LSAMP: variants seen among roughly 807,000 people sequenced by gnomAD.
LSAMP encodes limbic system associated membrane protein, also known as limbic system-associated membrane protein.
Under a neutral mutation model 38.6 loss-of-function variants are expected in LSAMP, and 7 were observed. The ratio of observed to expected loss-of-function variants is 0.18; its 90% CI spans 0.10 to 0.34. The LOEUF (loss-of-function observed/expected upper bound fraction) is 0.34, where lower values mean the gene tolerates loss of function less well. Ranked by LOEUF, LSAMP falls within the 10% of genes least tolerant of loss-of-function variation. The pLI, the probability that LSAMP is intolerant of heterozygous loss-of-function variation, is 1.00. For missense variants in LSAMP, 313 were observed against 420.0 expected (o/e 0.75, Z 2.23); for synonymous variants, 154 against 166.8 (o/e 0.92, Z 0.59).
chr3:116,216,389 A>C (rs1325347646), intron 1 of LSAMP, among the ~76,000 whole-genome samples: 1 of 152,182 alleles, frequency 6.6e-6, no homozygotes, highest in Non-Finnish European at 1.5e-5. Context: ...CAGAGAAGAA[A>C]AATGGCATTA....
At chr3:116,280,292 A>T (rs984300076) in intron 1 of LSAMP, among the ~76,000 whole-genome samples, 1 of 152,202 alleles carries the variant, frequency 6.6e-6, no homozygotes, top group African/African-American at 2.4e-5. Flanking sequence ...GAAGACATGG[A>T]GGTTCTGAGC....
At chr3:116,181,915 A>G (rs1033093610) in intron 1 of LSAMP, among the ~76,000 whole-genome samples, 1 of 151,998 alleles carries the variant, frequency 6.6e-6, no homozygotes, top group African/African-American at 2.4e-5. Flanking sequence ...GATAAAGATC[A>G]CCCAGGTAAC....
At chr3:116,087,597 A>T (rs1384143139) in intron 1 of LSAMP, among the ~76,000 whole-genome samples, 4 of 152,214 alleles carry the variant, frequency 2.6e-5, no homozygotes, top group Non-Finnish European at 5.9e-5. Context: ...ACTCTGGAGC[A>T]GGAGGGAATG....
intron 1 of LSAMP, among the ~76,000 whole-genome samples, chr3:116,086,978 G>A (rs897351879): frequency 4.6e-5 from 7 of 152,182 alleles, no homozygotes; most frequent in African/African-American, 1.4e-4. Flanking sequence ...ATAGTATTGT[G>A]TAATGATAGA....
chr3:115,961,029 T>C (rs1173976334), intron 3 of LSAMP, among the ~76,000 whole-genome samples: 1 of 152,172 alleles, frequency 6.6e-6, no homozygotes, highest in Non-Finnish European at 1.5e-5. Context: ...TAAACCTGTC[T>C]GCCATCAATC....
intron 3 of LSAMP, among the ~76,000 whole-genome samples, chr3:115,968,357 C>T (rs1938895676): frequency 6.6e-6 from 1 of 152,076 alleles, no homozygotes; most frequent in African/African-American, 2.4e-5. Context: ...CAATTACTAT[C>T]TGGGTATTGC....
intron 3 of LSAMP, among the ~76,000 whole-genome samples, chr3:115,857,048 G>A (rs1270514584): frequency 1.3e-5 from 2 of 152,164 alleles, no homozygotes; most frequent in Non-Finnish European, 2.9e-5. Context: ...AAGAAAGGGT[G>A]TGCTGCATAC....
chr3:116,233,052 C>T lies in LSAMP; in HGVS notation c.156-146496G>A, dbSNP rs146125647. On this transcript the variant is annotated intron_variant, in intron 1 of 6. Coordinates refer to ENST00000490035, the MANE Select transcript of LSAMP (RefSeq NM_002338.5). Reference sequence around the variant, plus strand: ...AAATACACAGTTGATTCTTTTCTCGCTGCCTTTAATTATTCTTTAGAATCT... The same window carrying T: ...AAATACACAGTTGATTCTTTTCTCGTTGCCTTTAATTATTCTTTAGAATCT... 1.2e-4 allele frequency among the ~76,000 whole-genome samples: 18 copies of T among 152,190 alleles called. No homozygotes were observed. In the East Asian group the frequency reaches 3.5e-3, roughly 29 times the overall value.
intron 1 of LSAMP, among the ~76,000 whole-genome samples, chr3:116,229,767 TA>T (rs2107625988): frequency 1.3e-5 from 2 of 152,198 alleles, no homozygotes; most frequent in African/African-American, 4.8e-5. Flanking sequence ...GATTTAAGGG[TA>T]TTTTCAAGGT....
chr3:116,316,528 T>G (rs2047630829), intron 1 of LSAMP, among the ~76,000 whole-genome samples: 1 of 152,018 alleles, frequency 6.6e-6, no homozygotes, highest in Non-Finnish European at 1.5e-5. Context: ...ATCCCAGAAC[T>G]TTGGGAGACC....
chr3:116,358,345 T>G (rs777739967), intron 1 of LSAMP, among the ~76,000 whole-genome samples: 3 of 152,130 alleles, frequency 2.0e-5, no homozygotes, highest in Non-Finnish European at 2.9e-5. Context: ...AGCAATATAG[T>G]AATATACAGT....
chr3:116,098,704 C>T (rs1281988731), intron 1 of LSAMP, among the ~76,000 whole-genome samples: 1 of 152,144 alleles, frequency 6.6e-6, no homozygotes, highest in Non-Finnish European at 1.5e-5. Flanking sequence ...AGGACTTCAT[C>T]CTTGTGTAAC....
At chr3:116,145,907 T>A (rs1207466590) in intron 1 of LSAMP, among the ~76,000 whole-genome samples, 17 of 151,954 alleles carry the variant, frequency 1.1e-4, no homozygotes, top group African/African-American at 3.9e-4. Flanking sequence ...TTCAAGAAAT[T>A]TTATTTGTTA....
chr3:116,373,389 A>G (rs1243979204), intron 1 of LSAMP, among the ~76,000 whole-genome samples: 1 of 151,702 alleles, frequency 6.6e-6, no homozygotes, highest in Non-Finnish European at 1.5e-5. Context: ...ACTCATAAGG[A>G]CGGAAAGTAG....
chr3:115,806,357 A>C lies in LSAMP; in HGVS notation c.*3960T>G, dbSNP rs1359298821. On this transcript the variant is annotated 3_prime_UTR_variant, in exon 7 of 7. Coordinates refer to ENST00000490035, the MANE Select transcript of LSAMP (RefSeq NM_002338.5). ...CACATATATATTATTGTTTTCCACA[A>C]ATAATTCGAGCCCTGCAAAGAACAA... 2 of 152,206 alleles carry C rather than the reference A, an allele frequency of 1.3e-5. No individual in the cohort carries two copies. The highest frequency in any genetic ancestry group is 2.9e-5 in the Non-Finnish European group (2 of 68,038). The allele number at this position is 152,206 out of a possible 1,614,324, so 9.4% of individuals were successfully genotyped here. A position where few individuals can be genotyped will look rare whatever the true frequency, so the allele number is the denominator to read the frequency against.
intron 3 of LSAMP, among the ~76,000 whole-genome samples, chr3:116,015,306 C>A (rs1940447580): frequency 6.6e-6 from 1 of 152,084 alleles, no homozygotes; most frequent in Admixed American, 6.6e-5. Flanking sequence ...GCAATCCTGA[C>A]AACACATGAT....
chr3:116,040,009 A>AG (rs1240578922), intron 2 of LSAMP, among the ~76,000 whole-genome samples: 2 of 151,906 alleles, frequency 1.3e-5, no homozygotes, highest in Non-Finnish European at 2.9e-5. Context: ...GGGGAAAAAA[A>AG]CTGGTCCCCT....
rs1344405315 is a variant in LSAMP at position 115,807,338 on chromosome 3, A to C, written c.*2979T>G. 6.6e-6 allele frequency: 1 copy of C among 152,200 alleles called. No individual in the cohort carries two copies. Among genetic ancestry groups the C allele is most frequent in the East Asian group, 1.9e-4 (1 of 5,202 alleles). The allele number at this position is 152,200 out of a possible 1,614,324, so 9.4% of individuals were successfully genotyped here. On this transcript the variant is annotated 3_prime_UTR_variant, in exon 7 of 7. Coordinates refer to ENST00000490035, the MANE Select transcript of LSAMP (RefSeq NM_002338.5). ...TGTTTTCTCTGAAACAGGAACCAGA[A>C]GCAAATTTTTAAAATTTCAAGATCC...
intron 2 of LSAMP, among the ~76,000 whole-genome samples, chr3:116,040,746 T>G (rs558302781): frequency 5.8e-4 from 88 of 152,166 alleles, no homozygotes; most frequent in Non-Finnish European, 1.1e-3. Flanking sequence ...TTTCTTCTCT[T>G]TCTTCCTTTT....
Sources: allele counts gnomAD v4.1 joint callset (sites outside exome capture counted in the v4.1 genomes callset), GRCh38; gene constraint gnomAD v4.1.1; transcripts MANE v1.5; gene names NCBI Gene and HGNC (gene_info 2026-07-23, HGNC 2026-07-21).